Variants in TRIP12 observed in about 807,000 individuals in gnomAD.
TRIP12 encodes thyroid hormone receptor interactor 12.
In TRIP12, 25 loss-of-function variants were observed where a neutral mutation model predicts 244.2. The observed-to-expected ratio is 0.10, with a 90% confidence interval of 0.07 to 0.14. The LOEUF (loss-of-function observed/expected upper bound fraction) is 0.14. Among genes scored for constraint, TRIP12 ranks in the 10% least tolerant of loss-of-function variants. The pLI is 1.00. For synonymous variants in TRIP12, 905 were observed against 873.1 expected (o/e 1.04, Z -0.64); for missense variants, 1,677 against 2,486.4 (o/e 0.67, Z 6.92).
At chr2:229,771,676 T>A (rs758602912) in intron 38 of TRIP12, 44 bp from the exon 39 acceptor site, 4 of 1,452,820 alleles carry the variant, frequency 2.8e-6, no homozygotes, top group South Asian at 2.3e-5. Flanking sequence ...AGATTTCAAA[T>A]CTCTTTACTA....
intron 1 of TRIP12, among the ~76,000 whole-genome samples, chr2:229,897,994 T>G (rs1359386669): frequency 6.6e-6 from 1 of 152,208 alleles, no homozygotes; most frequent in Admixed American, 6.5e-5. Flanking sequence ...GTACCTAGAT[T>G]GTAAAACCTA....
intron 1 of TRIP12, chr2:229,900,770 G>T (rs901460715): frequency 6.6e-6 from 1 of 151,920 alleles, no homozygotes; most frequent in Non-Finnish European, 1.5e-5. Flanking sequence ...GCTGCGGCAG[G>T]GGAATCGCTT....
At chr2:229,918,689 A>G (rs2154383160) in intron 1 of TRIP12, among the ~76,000 whole-genome samples, 1 of 152,360 alleles carries the variant, frequency 6.6e-6, no homozygotes, top group South Asian at 2.1e-4. Flanking sequence ...CCCAAATTCT[A>G]CTACCAATTA....
At chr2:229,812,798 C>T (rs2047589451) in intron 13 of TRIP12, among the ~76,000 whole-genome samples, 1 of 151,846 alleles carries the variant, frequency 6.6e-6, no homozygotes, top group African/African-American at 2.4e-5. Flanking sequence ...AAGACTCAGT[C>T]TCAAAAACAA....
intron 5 of TRIP12, among the ~76,000 whole-genome samples, chr2:229,839,462 G>T (rs1297823386): frequency 6.6e-6 from 1 of 152,126 alleles, no homozygotes; most frequent in Non-Finnish European, 1.5e-5. Context: ...TGGATCACGA[G>T]GTCAGGAGAC....
chr2:229,800,506 A>G (rs2043996653), intron 21 of TRIP12, among the ~76,000 whole-genome samples: 1 of 152,234 alleles, frequency 6.6e-6, no homozygotes, highest in Non-Finnish European at 1.5e-5. Context: ...TCTATGGAAT[A>G]TACTTAATAA....
intron 1 of TRIP12, among the ~76,000 whole-genome samples, chr2:229,891,272 T>C (rs923628642): frequency 6.6e-6 from 1 of 151,138 alleles, no homozygotes; most frequent in Non-Finnish European, 1.5e-5. Flanking sequence ...AAAAAAAAAA[T>C]TTAGCCTGGC....
rs772946251 is a variant in TRIP12 at position 229,795,069 on chromosome 2, G to GA, written c.3968+109dup. On this transcript the variant is annotated intron_variant, in intron 26 of 41. Transcript: ENST00000675903. The stretch of plus-strand genomic sequence containing the variant: ...CTTAATTTCTTTCATCATTACAGCT[G>GA]AATGTTTTCTGGGCCAATCAAGACT... The GA allele has an allele frequency of 3.0e-4, 384 of 1,284,744 alleles. 1 individual carries two copies. Among genetic ancestry groups the GA allele is most frequent in the Non-Finnish European group, 3.6e-4 (340 of 941,432 alleles). 79.6% of individuals were successfully genotyped at this position (1,284,744 alleles called of 1,614,324 possible).
Position 229,767,759 on chromosome 2 carries a change from G to C in TRIP12, c.6008-9C>G. ...ATTCAAACTCCGGAATCCTGATTAAGAGAAAAAGAAAGACAAGGAACTTAA... is the reference window on the plus strand; with the variant it reads ...ATTCAAACTCCGGAATCCTGATTAACAGAAAAAGAAAGACAAGGAACTTAA... On this transcript the variant is annotated splice_polypyrimidine_tract_variant and intron_variant, in intron 41 of 41. Coordinates refer to ENST00000675903, the MANE Select transcript of TRIP12 (RefSeq NM_001348323.3). The C allele has an allele frequency of 1.9e-6, 3 of 1,597,704 alleles. No individual in the cohort carries two copies. Among genetic ancestry groups the C allele is most frequent in the South Asian group, 2.3e-5 (2 of 87,532 alleles).
At position 229,804,139 on chromosome 2, in the gene TRIP12, T is replaced by C; in HGVS notation, c.2739A>G (p.Leu913=). ...PELAKSFIKT[L]FGVLYEVYSS... ...TATACACTTCATAAAGAACACCAAA[T>C]AATGTCTTAATAAAAGACTTAGCCA... Residue 913 remains leucine, a synonymous_variant, in exon 19 of 42, where the codon TTA becomes TTG. Coordinates refer to ENST00000675903, the MANE Select transcript of TRIP12 (RefSeq NM_001348323.3). 1 of 1,614,084 alleles carries C rather than the reference T, an allele frequency of 6.2e-7. No homozygotes were observed. Among genetic ancestry groups the C allele is most frequent in the African/African-American group, 1.3e-5 (1 of 75,038 alleles).
At chr2:229,860,156 T>C (rs2060223591) in intron 3 of TRIP12, among the ~76,000 whole-genome samples, 1 of 152,088 alleles carries the variant, frequency 6.6e-6, no homozygotes, top group Non-Finnish European at 1.5e-5. Context: ...CCATAATGGT[T>C]TGTTAAGCAA....
At chr2:229,851,868 G>A (rs939220258) in intron 4 of TRIP12, among the ~76,000 whole-genome samples, 3 of 152,292 alleles carry the variant, frequency 2.0e-5, no homozygotes, top group Non-Finnish European at 2.9e-5. Flanking sequence ...CTTAAGAGCT[G>A]TAACACTCAC....
chr2:229,769,772 G>C (rs1449806404), intron 39 of TRIP12, among the ~76,000 whole-genome samples: 1 of 152,168 alleles, frequency 6.6e-6, no homozygotes, highest in African/African-American at 2.4e-5. Flanking sequence ...GAAGCAAGCT[G>C]AACTAGGACA....
rs2032199082 is a variant in TRIP12 at position 229,767,599 on chromosome 2, C to G, written c.6159G>C (p.Leu2053=). ...GCTGCCCTTCTCTTGCTGCTATCAA[C>G]AGTTTTTCACGCATTATCTCAATGC... ...YSSIEIMREK[L]LIAAREGQQS... is the part of the protein sequence containing the mutation. The change falls in exon 42 of 42, where the codon CTG becomes CTC. Residue 2053 remains leucine, a synonymous_variant. Coordinates refer to ENST00000675903, the MANE Select transcript of TRIP12 (RefSeq NM_001348323.3). The G allele has an allele frequency of 6.2e-7, 1 of 1,613,436 alleles. No homozygotes were observed. The highest frequency in any genetic ancestry group is 1.3e-5 in the African/African-American group (1 of 74,912).
Position 229,865,318 on chromosome 2 carries a change from C to T in TRIP12, c.99-4787G>A, listed in dbSNP as rs78151710. Among the ~76,000 whole-genome samples the T allele has an allele frequency of 9.0e-5, 6 of 66,980 alleles. No homozygotes were observed. In the East Asian group the frequency reaches 3.6e-3, roughly 41 times the overall value. 43.9% of individuals were successfully genotyped at this position (66,980 alleles called of 152,430 possible). On this transcript the variant is annotated intron_variant, in intron 2 of 41. Transcript: ENST00000675903. ...ATAGAGTGAGATCCTCTCTCAACTA[C>T]AAAAAAAAAAAAAAAAAAAAAAAAA... is the stretch of plus-strand genomic sequence containing the variant.
rs1007094981 is a variant in TRIP12 at position 229,907,012 on chromosome 2, C to G, written c.-50+14868G>C. On this transcript the variant is annotated intron_variant, in intron 1 of 41. Coordinates refer to ENST00000675903, the MANE Select transcript of TRIP12 (RefSeq NM_001348323.3). Reference sequence around the variant, plus strand: ...AGAAACAGCCCCCCACAAAACTTTTCTAAGTGTGTAATCTGGGTCAGGGTT... The same window carrying G: ...AGAAACAGCCCCCCACAAAACTTTTGTAAGTGTGTAATCTGGGTCAGGGTT... 7.2e-5 allele frequency among the ~76,000 whole-genome samples: 11 copies of G among 152,282 alleles called. No homozygotes were observed. The East Asian group carries it at 2.1e-3, about 29-fold the overall frequency.
chr2:229,800,388 C>T (rs919627301), intron 21 of TRIP12, among the ~76,000 whole-genome samples: 2 of 151,772 alleles, frequency 1.3e-5, no homozygotes, highest in Non-Finnish European at 2.9e-5. Context: ...AATAACAAAA[C>T]TAAATAAGAT....
At position 229,805,770 on chromosome 2, in the gene TRIP12, G is replaced by A. The variant is rs559275590; in HGVS notation, c.2610C>T (p.Ala870=). Reference sequence around the variant, plus strand: ...CTAACGGGTTAGGTTTTCTCTGAATGGCACGTGCTGTTCCCGTGTCCTCAT... The same window carrying A: ...CTAACGGGTTAGGTTTTCTCTGAATAGCACGTGCTGTTCCCGTGTCCTCAT... ...QINEDTGTAR[A]IQRKPNPLAN... The change falls in exon 18 of 42, where the codon GCC becomes GCT. Residue 870 remains alanine (A), a synonymous_variant. Transcript: ENST00000675903. 2.5e-6 allele frequency: 4 copies of A among 1,607,212 alleles called. No homozygotes were observed. Among genetic ancestry groups the A allele is most frequent in the South Asian group, 1.1e-5 (1 of 90,432 alleles).
intron 6 of TRIP12, among the ~76,000 whole-genome samples, chr2:229,834,828 C>A (rs1448833416): frequency 6.6e-6 from 1 of 151,712 alleles, no homozygotes; most frequent in Admixed American, 6.6e-5. Flanking sequence ...GCAAACACTA[C>A]ACTTTCAACT....
Sources: allele counts gnomAD v4.1 joint callset (sites outside exome capture counted in the v4.1 genomes callset), GRCh38; gene constraint gnomAD v4.1.1; transcripts MANE v1.5; gene names NCBI Gene and HGNC (gene_info 2026-07-23, HGNC 2026-07-21).